THTPA: variants seen among roughly 807,000 people sequenced by gnomAD.
THTPA encodes the protein thiamine triphosphatase, also known as thiamine-triphosphatase.
THTPA carries 16 observed loss-of-function variants against 16.5 expected under a neutral mutation model. That is an observed-to-expected ratio of 0.97 (90% CI 0.66 to 1.47). THTPA has a LOEUF of 1.47. THTPA is among the 40% of genes most tolerant of loss of function. The probability of loss-of-function intolerance (pLI) is 0.00; values close to 1 mark genes in which losing one functional copy is unlikely to be tolerated. For missense variants in THTPA, 281 were observed against 280.9 expected (o/e 1.00, Z 0.00); for synonymous variants, 110 against 115.5 (o/e 0.95, Z 0.30).
chr14:23,525,993 T>C, the THTPA span: 3 of 1,526,926 alleles, frequency 2.0e-6, no homozygotes, highest in East Asian at 4.9e-5. This position sits in a 1 kb window ranked among gnomAD's most constrained non-coding sequence, Gnocchi z 5.9. Flanking sequence ...AATCCAGATA[T>C]GAAGCCACTG....
In THTPA at chr14:23,560,262, A is replaced by G; in HGVS notation, c.*1422A>G. 2 of 1,613,466 alleles carry G rather than the reference A, an allele frequency of 1.2e-6. No individual in the cohort carries two copies. The highest frequency in any genetic ancestry group is 1.7e-6 in the Non-Finnish European group (2 of 1,180,004). ...ACTCTGATCTTTACAAACCTTGGGC[A>G]CAGCAGCCTGGCAGATGAAATGGGT... On this transcript the variant is annotated 3_prime_UTR_variant, in exon 2 of 2. Coordinates refer to ENST00000288014, the MANE Select transcript of THTPA (RefSeq NM_024328.6).
chr14:23,528,598 C>T, the THTPA span: 29 of 985,418 alleles, frequency 2.9e-5, no homozygotes, highest in Non-Finnish European at 3.5e-5. Flanking sequence ...CACTCTGCCT[C>T]TGTGAACCAT....
At chr14:23,553,790 A>G (rs1882144956), upstream of THTPA, among the ~76,000 whole-genome samples, 1 of 152,164 alleles carries the variant, frequency 6.6e-6, no homozygotes. Flanking sequence ...TCTACTTGGG[A>G]GGCTGAGGCA....
At chr14:23,533,866 C>T in the THTPA span, 1 of 1,538,104 alleles carries the variant, frequency 6.5e-7, no homozygotes, top group Non-Finnish European at 8.7e-7. This position sits in a 1 kb window ranked among gnomAD's most constrained non-coding sequence, Gnocchi z 4.8. Flanking sequence ...GCCCCCAGCA[C>T]TGCAGTAGCT....
At chr14:23,525,549 G>A in the THTPA span, 4 of 1,535,442 alleles carry the variant, frequency 2.6e-6, no homozygotes, top group Non-Finnish European at 2.6e-6. The surrounding 1 kb of genome is among the most constrained non-coding windows in gnomAD (Gnocchi z 5.9). Context: ...GGGGTAGGGG[G>A]AGGGGGCACA....
intron 1 of THTPA, 112 bp downstream of exon 1, chr14:23,557,416 A>C: frequency 2.5e-6 from 3 of 1,201,574 alleles, no homozygotes; most frequent in Non-Finnish European, 3.4e-6. Context: ...TTTTTTTTTT[A>C]ATAGAGACAA....
chr14:23,528,907 G>A, the THTPA span: 10 of 878,558 alleles, frequency 1.1e-5, no homozygotes, highest in African/African-American at 1.8e-5. Context: ...GGGAGGGGAT[G>A]ACTGTAAAGG....
At chr14:23,524,857 G>A in the THTPA span, 1 of 1,536,594 alleles carries the variant, frequency 6.5e-7, no homozygotes, top group Admixed American at 2.0e-5. The surrounding 1 kb of genome is among the most constrained non-coding windows in gnomAD (Gnocchi z 5.6). Context: ...CAAGGGTCTG[G>A]TCATCATAGC....
the THTPA span, chr14:23,527,820 G>C: frequency 6.5e-7 from 1 of 1,534,170 alleles, no homozygotes; most frequent in African/African-American, 1.4e-5. Context: ...GGGAACATAT[G>C]GGCAGTGGAC....
At chr14:23,533,946 C>A in the THTPA span, 4 of 1,538,028 alleles carry the variant, frequency 2.6e-6, no homozygotes, top group East Asian at 4.9e-5. This position sits in a 1 kb window ranked among gnomAD's most constrained non-coding sequence, Gnocchi z 4.8. Context: ...ACTTGTAGTG[C>A]CAGTTGCACT....
At chr14:23,523,795 G>T in the THTPA span, 7 of 1,536,240 alleles carry the variant, frequency 4.6e-6, no homozygotes, top group Non-Finnish European at 6.1e-6. The surrounding 1 kb of genome is among the most constrained non-coding windows in gnomAD (Gnocchi z 4.1). Context: ...GTCCCCCACT[G>T]GTCCCTCCAG....
At chr14:23,530,227 A>G in the THTPA span, 2 of 1,470,034 alleles carry the variant, frequency 1.4e-6, no homozygotes, top group Non-Finnish European at 1.8e-6. Flanking sequence ...CAGCTTAAAG[A>G]GGTGTGGCAT....
the THTPA span, chr14:23,527,536 C>T: frequency 6.6e-7 from 1 of 1,521,622 alleles, no homozygotes; most frequent in South Asian, 1.2e-5. Context: ...ATACCCCTGC[C>T]TCTTCCTCCC....
the THTPA span, among the ~76,000 whole-genome samples, chr14:23,545,368 C>T: frequency 1.3e-5 from 2 of 152,230 alleles, no homozygotes; most frequent in African/African-American, 2.4e-5. Flanking sequence ...CTTCATTTCC[C>T]TGCGGAGGGG....
chr14:23,521,937 C>G, the THTPA span: 1 of 1,535,476 alleles, frequency 6.5e-7, no homozygotes, highest in Non-Finnish European at 8.7e-7. Context: ...GAGGCCCTCC[C>G]CTCTCCCCAT....
chr14:23,534,274 G>A, the THTPA span: 7 of 1,531,264 alleles, frequency 4.6e-6, no homozygotes, highest in East Asian at 1.5e-4. The surrounding 1 kb of genome is among the most constrained non-coding windows in gnomAD (Gnocchi z 4.5). Context: ...GTCCCAGGTG[G>A]CTGTGGGTGG....
chr14:23,516,219 A>G, the THTPA span, among the ~76,000 whole-genome samples: 2 of 152,198 alleles, frequency 1.3e-5, no homozygotes, highest in Non-Finnish European at 2.9e-5. Context: ...TCATGTTCCA[A>G]GTGGACACTT....
the THTPA span, chr14:23,522,623 G>C: frequency 6.5e-7 from 1 of 1,534,252 alleles, no homozygotes; most frequent in Non-Finnish European, 8.7e-7. Context: ...TGTTCCCCCA[G>C]CAGGGGGCAA....
chr14:23,536,468 C>A, the THTPA span, among the ~76,000 whole-genome samples: 1 of 152,198 alleles, frequency 6.6e-6, no homozygotes, highest in African/African-American at 2.4e-5. Flanking sequence ...CAGATGGGAG[C>A]TTCTCTGGTC....
Sources: gnomAD v4.1 joint callset for allele counts (sites outside exome capture counted in the v4.1 genomes callset) on GRCh38, gnomAD v4.1.1 for gene constraint, Gnocchi (gnomAD v3.1) non-coding constraint, MANE v1.5 for transcripts, NCBI Gene and HGNC (gene_info 2026-07-23, HGNC 2026-07-21) for gene names.